ELAVL2: variants seen among roughly 807,000 people sequenced by gnomAD.
ELAVL2 encodes ELAV like RNA binding protein 2.
A neutral mutation model predicts 34.6 loss-of-function variants in ELAVL2; 4 were observed. The observed-to-expected ratio is 0.12, with a 90% confidence interval of 0.06 to 0.26. The LOEUF (loss-of-function observed/expected upper bound fraction) is 0.26, where lower values mean the gene tolerates loss of function less well. ELAVL2 is among the 10% of genes least tolerant of loss of function. ELAVL2 has a pLI of 1.00. For synonymous variants in ELAVL2, 193 were observed against 154.8 expected (o/e 1.25, Z -1.83); for missense variants, 432 against 442.8 (o/e 0.98, Z 0.22).
At chr9:23,830,844 CTCACGTTTT>C (rs1017994172), upstream of ELAVL2, among the ~76,000 whole-genome samples, 2 of 151,904 alleles carry the variant, frequency 1.3e-5, no homozygotes, top group Non-Finnish European at 2.9e-5. Context: ...GGAGGATAAA[CTCACGTTTT>C]TCCTGAGCAT....
intron 3 of ELAVL2, among the ~76,000 whole-genome samples, chr9:23,722,442 C>G (rs749087727): frequency 6.6e-6 from 1 of 152,176 alleles, no homozygotes; most frequent in African/African-American, 2.4e-5. Context: ...TCAAACTGTA[C>G]GTCTGGCTGT....
chr9:23,778,974 A>G (rs557911143), intron 1 of ELAVL2, among the ~76,000 whole-genome samples: 1 of 152,310 alleles, frequency 6.6e-6, no homozygotes, highest in South Asian at 2.1e-4. Flanking sequence ...TGAGACAGTT[A>G]ATTCAAACCT....
At chr9:23,768,270 C>T (rs966192575) in intron 1 of ELAVL2, among the ~76,000 whole-genome samples, 1 of 152,154 alleles carries the variant, frequency 6.6e-6, no homozygotes, top group East Asian at 1.9e-4. Flanking sequence ...ACTCTTCTAG[C>T]TTTGTTTATG....
intron 2 of ELAVL2, among the ~76,000 whole-genome samples, chr9:23,751,996 G>C (rs2052185811): frequency 6.6e-6 from 1 of 152,154 alleles, no homozygotes; most frequent in Non-Finnish European, 1.5e-5. Flanking sequence ...GAAAGCAAAG[G>C]ATGGAGGATG....
At chr9:23,800,355 C>T (rs969394020) in intron 1 of ELAVL2, among the ~76,000 whole-genome samples, 1 of 152,176 alleles carries the variant, frequency 6.6e-6, no homozygotes, top group African/African-American at 2.4e-5. Flanking sequence ...AGGGTATCTG[C>T]TCATGCAGGG....
In ELAVL2 at chr9:23,727,685, C is replaced by T. The variant is rs149773620; in HGVS notation, c.333+3337G>A. Among the ~76,000 whole-genome samples the T allele has an allele frequency of 2.0e-5, 3 of 152,200 alleles. No individual in the cohort carries two copies. In the East Asian group the frequency reaches 5.8e-4, roughly 29 times the overall value. ...GATCCCAGAAACTGTATTTCTAACTCACTTCCCTTGGGATTAAGATGCAAC... is the reference window on the plus strand; with the variant it reads ...GATCCCAGAAACTGTATTTCTAACTTACTTCCCTTGGGATTAAGATGCAAC... On this transcript the variant is annotated intron_variant, in intron 3 of 6. Coordinates refer to ENST00000397312, the MANE Select transcript of ELAVL2 (RefSeq NM_004432.5).
chr9:23,752,100 TG>T (rs1169990042), intron 2 of ELAVL2, among the ~76,000 whole-genome samples: 1 of 151,996 alleles, frequency 6.6e-6, no homozygotes, highest in Admixed American at 6.6e-5. Flanking sequence ...TTTTTACCTA[TG>T]GGGGGAAAAA....
chr9:23,820,173 C>CAA (rs1564599252), intron 1 of ELAVL2, among the ~76,000 whole-genome samples: 1 of 152,144 alleles, frequency 6.6e-6, no homozygotes, highest in African/African-American at 2.4e-5. Flanking sequence ...TCAAGGGCAA[C>CAA]AAAACAATAT....
intron 3 of ELAVL2, among the ~76,000 whole-genome samples, chr9:23,706,225 G>A (rs889739202): frequency 1.3e-5 from 2 of 152,080 alleles, no homozygotes; most frequent in Admixed American, 6.5e-5. Context: ...CCACAAGGAC[G>A]AAAGACAAAA....
intron 1 of ELAVL2, among the ~76,000 whole-genome samples, chr9:23,782,667 T>A (rs1244219116): frequency 1.3e-5 from 2 of 152,194 alleles, no homozygotes. Context: ...GAACTAAGAT[T>A]TAGCCTGAAG....
chr9:23,735,127 A>AAAAG (rs2047551514), intron 2 of ELAVL2: 1 of 142,648 alleles, frequency 7.0e-6, no homozygotes. Context: ...AAAAAAAAAA[A>AAAAG]GCCCTTAAGA....
intron 1 of ELAVL2, among the ~76,000 whole-genome samples, chr9:23,814,224 G>C (rs922995111): frequency 4.6e-5 from 7 of 152,112 alleles, no homozygotes; most frequent in Admixed American, 3.9e-4. Flanking sequence ...GCTCCTTCTG[G>C]TATCAGTGAT....
intron 2 of ELAVL2, among the ~76,000 whole-genome samples, chr9:23,751,330 G>A (rs1216038659): frequency 1.3e-5 from 2 of 152,256 alleles, no homozygotes; most frequent in East Asian, 3.9e-4. Context: ...ATGTAAAATT[G>A]CATCTGCTAA....
At chr9:23,781,124 G>A (rs944338233) in intron 1 of ELAVL2, among the ~76,000 whole-genome samples, 7 of 152,246 alleles carry the variant, frequency 4.6e-5, no homozygotes, top group African/African-American at 1.2e-4. Flanking sequence ...CTAGCGAACA[G>A]GGTTATTAAA....
chr9:23,706,913 C>T (rs1587440820), intron 3 of ELAVL2, among the ~76,000 whole-genome samples: 1 of 152,138 alleles, frequency 6.6e-6, no homozygotes, highest in Non-Finnish European at 1.5e-5. Flanking sequence ...TTATCTTTCA[C>T]ACCCCTGCCC....
upstream of ELAVL2, among the ~76,000 whole-genome samples, chr9:23,830,995 C>A (rs950609820): frequency 6.6e-6 from 1 of 152,132 alleles, no homozygotes; most frequent in South Asian, 2.1e-4. Context: ...CTTTAAGCTT[C>A]CCCCTGGAGC....
At chr9:23,844,251 T>C in the ELAVL2 span, among the ~76,000 whole-genome samples, 131 of 152,136 alleles carry the variant, frequency 8.6e-4, no homozygotes, top group African/African-American at 3.1e-3. Flanking sequence ...CTCTATCTCT[T>C]ACACAGAGTA....
At chr9:23,773,994 G>A (rs1564400075) in intron 1 of ELAVL2, among the ~76,000 whole-genome samples, 1 of 151,822 alleles carries the variant, frequency 6.6e-6, no homozygotes, top group East Asian at 1.9e-4. Flanking sequence ...GGCAGATCAC[G>A]AGGTCAGGAT....
intron 1 of ELAVL2, chr9:23,783,617 G>C: frequency 1.8e-6 from 1 of 544,096 alleles, no homozygotes; most frequent in Non-Finnish European, 2.3e-6. Context: ...ACAGACATCT[G>C]CATTCATTCT....
Sources: gnomAD v4.1 joint callset for allele counts (sites outside exome capture counted in the v4.1 genomes callset) on GRCh38, gnomAD v4.1.1 for gene constraint, MANE v1.5 for transcripts, NCBI Gene and HGNC (gene_info 2026-07-23, HGNC 2026-07-21) for gene names.